COG5: variants seen among roughly 807,000 people sequenced by gnomAD.
COG5 encodes component of oligomeric golgi complex 5.
Under a neutral mutation model 110.4 loss-of-function variants are expected in COG5, and 86 were observed. The observed-to-expected ratio is 0.78, with a 90% confidence interval of 0.65 to 0.93. The LOEUF (loss-of-function observed/expected upper bound fraction) is 0.93. COG5 is among the 40% of genes least tolerant of loss of function. The pLI, the probability that COG5 is intolerant of heterozygous loss-of-function variation, is 0.00. For synonymous variants in COG5, 360 were observed against 334.6 expected, an observed-to-expected ratio of 1.08 and a Z score of -0.83; for missense variants, 1,077 against 987.0, an observed-to-expected ratio of 1.09 and a Z score of -1.22.
intron 5 of COG5, among the ~76,000 whole-genome samples, chr7:107,532,647 C>T (rs1375249624): frequency 1.3e-5 from 2 of 152,176 alleles, no homozygotes; most frequent in East Asian, 1.9e-4. Context: ...AGCCTTCTTA[C>T]ATCTATATAA....
intron 6 of COG5, among the ~76,000 whole-genome samples, chr7:107,456,050 C>T (rs774726752): frequency 8.6e-5 from 13 of 152,018 alleles, no homozygotes; most frequent in Non-Finnish European, 1.5e-4. Context: ...CTGCCCGCCT[C>T]GGCCTCCCAA....
intron 6 of COG5, among the ~76,000 whole-genome samples, chr7:107,519,373 G>GA (rs2129150171): frequency 6.6e-6 from 1 of 151,750 alleles, no homozygotes; most frequent in Admixed American, 6.6e-5. Flanking sequence ...CTGGTTTTTT[G>GA]AAAAAATTAA....
At chr7:107,506,377 G>C (rs1313065832) in intron 6 of COG5, among the ~76,000 whole-genome samples, 2 of 152,184 alleles carry the variant, frequency 1.3e-5, no homozygotes, top group Non-Finnish European at 2.9e-5. Flanking sequence ...TAAACTACCA[G>C]GGTGGCTGGA....
At chr7:107,376,140 C>T (rs982960692) in intron 7 of COG5, among the ~76,000 whole-genome samples, 3 of 152,028 alleles carry the variant, frequency 2.0e-5, no homozygotes, top group African/African-American at 4.8e-5. Context: ...AGTTTCTGGA[C>T]TTTCAAATCT....
At chr7:107,558,938 A>G (rs1210383375) in intron 1 of COG5, among the ~76,000 whole-genome samples, 2 of 121,588 alleles carry the variant, frequency 1.6e-5, no homozygotes, top group East Asian at 5.3e-4. Context: ...AAAAAAAACC[A>G]TAACTACTAG....
intron 11 of COG5, 125 bp from the exon 12 acceptor site, chr7:107,298,471 G>C (rs1806959753): frequency 3.3e-6 from 2 of 613,582 alleles, no homozygotes; most frequent in Non-Finnish European, 5.5e-6. Flanking sequence ...GTTCTAATGA[G>C]GCCTTTTATA....
At chr7:107,290,515 A>T (rs190282947) in intron 12 of COG5, among the ~76,000 whole-genome samples, 2 of 152,328 alleles carry the variant, frequency 1.3e-5, no homozygotes, top group East Asian at 3.9e-4. Context: ...TTATAATTTC[A>T]TAATTACCTT....
chr7:107,547,912 C>T, intron 5 of COG5, 199 bp downstream of exon 5: 1 of 598,566 alleles, frequency 1.7e-6, no homozygotes, highest in Non-Finnish European at 3.0e-6. Context: ...TTATACACTG[C>T]AATGACAGTG....
chr7:107,310,813 A>C (rs1256455120), intron 11 of COG5, among the ~76,000 whole-genome samples: 2 of 152,194 alleles, frequency 1.3e-5, no homozygotes, highest in Non-Finnish European at 2.9e-5. Context: ...TGGATAACAA[A>C]GGCCTGTCAG....
At chr7:107,422,312 T>C (rs962120687) in intron 6 of COG5, among the ~76,000 whole-genome samples, 6 of 152,252 alleles carry the variant, frequency 3.9e-5, no homozygotes, top group African/African-American at 1.4e-4. Context: ...TTTAAGTTTT[T>C]GTTTACATTT....
chr7:107,390,410 G>T (rs1397540106), intron 7 of COG5, among the ~76,000 whole-genome samples: 1 of 152,008 alleles, frequency 6.6e-6, no homozygotes, highest in East Asian at 1.9e-4. Flanking sequence ...TGGAATATGT[G>T]GGGGAGCAAC....
chr7:107,514,588 G>T (rs1799786221), intron 6 of COG5, among the ~76,000 whole-genome samples: 1 of 152,150 alleles, frequency 6.6e-6, no homozygotes, highest in African/African-American at 2.4e-5. Flanking sequence ...TAAGAAAAGA[G>T]TATAGCATTG....
At chr7:107,497,582 A>T (rs1336000860) in intron 6 of COG5, among the ~76,000 whole-genome samples, 1 of 152,184 alleles carries the variant, frequency 6.6e-6, no homozygotes, top group Non-Finnish European at 1.5e-5. Context: ...AACAGACTTA[A>T]GTAAGAAAGT....
chr7:107,463,233 T>A (rs1263883391), intron 6 of COG5, among the ~76,000 whole-genome samples: 1 of 152,230 alleles, frequency 6.6e-6, no homozygotes, highest in African/African-American at 2.4e-5. Flanking sequence ...GCCAAAATGA[T>A]ACTAAGGCCA....
chr7:107,248,742 G>T (rs1281286445), intron 16 of COG5, among the ~76,000 whole-genome samples: 1 of 151,992 alleles, frequency 6.6e-6, no homozygotes, highest in African/African-American at 2.4e-5. Flanking sequence ...TTTCCAAAAG[G>T]TTCAGTGGTT....
At chr7:107,498,830 A>T (rs12535761) in intron 6 of COG5, among the ~76,000 whole-genome samples, 1 of 152,114 alleles carries the variant, frequency 6.6e-6, no homozygotes, top group Non-Finnish European at 1.5e-5. Context: ...GATCTTGAGG[A>T]GGTATCTGCA....
At chr7:107,357,265 G>A (rs1467307867) in intron 10 of COG5, among the ~76,000 whole-genome samples, 1 of 152,096 alleles carries the variant, frequency 6.6e-6, no homozygotes, top group Non-Finnish European at 1.5e-5. Flanking sequence ...GACCTTATGT[G>A]CTGTCTTTTG....
chr7:107,315,634 T>C (rs1808660979), intron 11 of COG5, among the ~76,000 whole-genome samples: 1 of 152,092 alleles, frequency 6.6e-6, no homozygotes, highest in Admixed American at 6.5e-5. Flanking sequence ...AGGAACATTT[T>C]CCTTTAGATA....
intron 1 of COG5, chr7:107,563,547 G>A (rs187084765): frequency 4.4e-5 from 12 of 272,332 alleles, no homozygotes; most frequent in Admixed American, 1.2e-4. Context: ...GGAGGCATGG[G>A]GGGGGGGGGG....
Sources: gnomAD v4.1 joint callset for allele counts (sites outside exome capture counted in the v4.1 genomes callset) on GRCh38, gnomAD v4.1.1 for gene constraint, MANE v1.5 for transcripts, NCBI Gene and HGNC (gene_info 2026-07-23, HGNC 2026-07-21) for gene names.